Variants in EPRS1 observed in about 807,000 individuals in gnomAD.
EPRS1 encodes the protein glutamyl-prolyl-tRNA synthetase 1, also known as bifunctional glutamate/proline--tRNA ligase.
In EPRS1, 107 loss-of-function variants were observed where a neutral mutation model predicts 188.3. The ratio of observed to expected loss-of-function variants is 0.57; its 90% CI spans 0.49 to 0.67. The LOEUF is 0.67. Among genes scored for constraint, EPRS1 ranks in the 30% least tolerant of loss-of-function variants. The pLI is 0.00. For missense variants in EPRS1, 1,577 were observed against 1,802.2 expected (o/e 0.88, Z 2.26); for synonymous variants, 596 against 593.1 (o/e 1.00, Z -0.07).
intron 1 of EPRS1, among the ~76,000 whole-genome samples, chr1:220,042,814 G>C (rs554447939): frequency 3.0e-4 from 46 of 152,066 alleles, no homozygotes; most frequent in African/African-American, 1.0e-3. Flanking sequence ...CCAGCTACTC[G>C]GGAGGCTGAG....
In EPRS1 at chr1:219,979,289, T is replaced by C. The variant is rs1660845672; in HGVS notation, c.3909+129A>G. On this transcript the variant is annotated intron_variant, in intron 27 of 31. Coordinates refer to ENST00000366923, the MANE Select transcript of EPRS1 (RefSeq NM_004446.3). The stretch of plus-strand genomic sequence containing the variant: ...ACAAAACACTAGGGTCCAGACTGCA[T>C]TCCACGTTGTTTTTATTATCAGAGA... The C allele has an allele frequency of 4.6e-6, 3 of 654,442 alleles. No homozygotes were observed. The African/African-American group carries it at 5.5e-5, about 12-fold the overall frequency. 40.5% of individuals were successfully genotyped at this position (654,442 alleles called of 1,614,324 possible).
intron 1 of EPRS1, among the ~76,000 whole-genome samples, chr1:220,040,838 A>C (rs1217136288): frequency 7.0e-6 from 1 of 142,506 alleles, no homozygotes; most frequent in Non-Finnish European, 1.6e-5. Flanking sequence ...TGACAAGAGC[A>C]AAACTGCGTC....
chr1:220,044,648 C>T (rs1170460587), intron 1 of EPRS1, among the ~76,000 whole-genome samples: 1 of 128,814 alleles, frequency 7.8e-6, no homozygotes, highest in Non-Finnish European at 1.5e-5. Context: ...TTGCTTGATC[C>T]TGGGAGGCAG....
Position 219,981,273 on chromosome 1 carries a change from G to A in EPRS1, c.3453+105C>T, listed in dbSNP as rs530042058. On this transcript the variant is annotated intron_variant, in intron 24 of 31. Transcript: ENST00000366923. ...ATTTATCTTAAATACTTCAAAAACA[G>A]TTCCATACTCCCAATCCTTTGAAAA... is the stretch of plus-strand genomic sequence containing the variant. The A allele has an allele frequency of 4.7e-6, 3 of 639,166 alleles. No homozygotes were observed. In the South Asian group the frequency reaches 9.1e-5, roughly 19 times the overall value. 39.6% of individuals were successfully genotyped at this position (639,166 alleles called of 1,614,324 possible).
Position 219,968,719 on chromosome 1 carries a change from A to C in EPRS1, c.*87T>G. 1.5e-6 allele frequency: 2 copies of C among 1,331,862 alleles called. No homozygotes were observed. The highest frequency in any genetic ancestry group is 2.1e-6 in the Non-Finnish European group (2 of 953,862). The allele number at this position is 1,331,862 out of a possible 1,614,324, so 82.5% of individuals were successfully genotyped here. A position where few individuals can be genotyped will look rare whatever the true frequency, so the allele number is the denominator to read the frequency against. ...TTTTAGAACTTTTACTTTTTAAAAA[A>C]TCATAAAACGGTCTGTATCTGAGAA... is the stretch of plus-strand genomic sequence containing the variant. On this transcript the variant is annotated 3_prime_UTR_variant, in exon 32 of 32. Coordinates refer to ENST00000366923, the MANE Select transcript of EPRS1 (RefSeq NM_004446.3).
intron 15 of EPRS1, among the ~76,000 whole-genome samples, chr1:220,005,838 T>G (rs1558052614): frequency 7.9e-3 from 70 of 8,898 alleles, no homozygotes; most frequent in African/African-American, 0.02. Flanking sequence ...TGTTTTTTTT[T>G]TTGTTTTTTT....
At chr1:220,041,526 A>G (rs1348758135) in intron 1 of EPRS1, among the ~76,000 whole-genome samples, 5 of 152,042 alleles carry the variant, frequency 3.3e-5, no homozygotes, top group African/African-American at 1.2e-4. Flanking sequence ...TGATTCATTA[A>G]TCCTCTGTCC....
chr1:220,026,018 C>T (rs35995726), intron 6 of EPRS1, among the ~76,000 whole-genome samples: 4 of 152,158 alleles, frequency 2.6e-5, no homozygotes, highest in Non-Finnish European at 5.9e-5. Context: ...TGGTCTCGAT[C>T]TCTTGACCTC....
At position 220,000,747 on chromosome 1, in the gene EPRS1, G is replaced by A. The variant is rs111481027; in HGVS notation, c.2181+391C>T. ...TATAATCCCAGCACTCTGGGAGGCC[G>A]AGGTGGGAGTTTCACCTGAGGTCAG... On this transcript the variant is annotated intron_variant, in intron 17 of 31. Transcript: ENST00000366923. Among the ~76,000 whole-genome samples the A allele has an allele frequency of 5.3e-3, 813 of 152,270 alleles. 7 individuals carry two copies. Among genetic ancestry groups the A allele is most frequent in the African/African-American group, 0.019 (789 of 41,566 alleles).
At chr1:219,975,599 T>C (rs920581078) in intron 28 of EPRS1, among the ~76,000 whole-genome samples, 1 of 151,936 alleles carries the variant, frequency 6.6e-6, no homozygotes, top group Non-Finnish European at 1.5e-5. Context: ...ACAAAGCCCA[T>C]CTAATTTTTC....
chr1:219,999,572 C>T (rs1364203535), intron 17 of EPRS1, among the ~76,000 whole-genome samples: 2 of 152,152 alleles, frequency 1.3e-5, no homozygotes, highest in African/African-American at 2.4e-5. Flanking sequence ...ATTACCCTGC[C>T]ACTGTCATGC....
chr1:220,019,108 G>C, intron 10 of EPRS1, 29 bp from the exon 11 acceptor site: 1 of 1,414,196 alleles, frequency 7.1e-7, no homozygotes, highest in South Asian at 1.2e-5. Flanking sequence ...TAAGTACCAA[G>C]GAAATTTTGT....
At chr1:220,022,312 A>G (rs1041505556) in intron 9 of EPRS1, 35 bp downstream of exon 9, 1 of 1,565,404 alleles carries the variant, frequency 6.4e-7, no homozygotes, top group Non-Finnish European at 8.7e-7. Flanking sequence ...AAAAGCACAG[A>G]TGGCTACCTA....
intron 28 of EPRS1, among the ~76,000 whole-genome samples, chr1:219,975,836 ATAT>A: frequency 1.2e-5 from 1 of 85,986 alleles, no homozygotes; most frequent in Non-Finnish European, 2.6e-5. Context: ...AAGTGTACAC[ATAT>A]CTGTATGTGT....
At chr1:220,018,589 AG>A (rs1661790490) in intron 11 of EPRS1, 81 bp from the exon 12 acceptor site, 12 of 695,818 alleles carry the variant, frequency 1.7e-5, no homozygotes, top group African/African-American at 7.7e-5. Flanking sequence ...AAGCATGTTT[AG>A]AAAAAAAAAA....
At chr1:219,979,141 C>A (rs1298425448) in intron 27 of EPRS1, among the ~76,000 whole-genome samples, 1 of 152,152 alleles carries the variant, frequency 6.6e-6, no homozygotes, top group Non-Finnish European at 1.5e-5. Context: ...AGGCGTGAGC[C>A]TGCATGCCCA....
At chr1:219,983,655 C>T (rs1368452393) in intron 21 of EPRS1, among the ~76,000 whole-genome samples, 2 of 152,020 alleles carry the variant, frequency 1.3e-5, no homozygotes, top group Admixed American at 6.6e-5. Context: ...GACTTTGGGA[C>T]GCCGAGGTGG....
chr1:219,983,680 G>T (rs758912779), intron 21 of EPRS1, among the ~76,000 whole-genome samples: 2 of 152,088 alleles, frequency 1.3e-5, no homozygotes, highest in Non-Finnish European at 2.9e-5. Flanking sequence ...ATTGCTTGAG[G>T]TCAGGAGTTC....
chr1:219,972,184 C>G, intron 29 of EPRS1, 37 bp from the exon 30 acceptor site: 2 of 1,299,070 alleles, frequency 1.5e-6, no homozygotes, highest in South Asian at 1.4e-5. Context: ...CATAATTGTT[C>G]TCACAAATAT....
Sources: gnomAD v4.1 joint callset for allele counts (sites outside exome capture counted in the v4.1 genomes callset) on GRCh38, gnomAD v4.1.1 for gene constraint, MANE v1.5 for transcripts, NCBI Gene and HGNC (gene_info 2026-07-23, HGNC 2026-07-21) for gene names.